Variants in RCOR3 observed in about 807,000 individuals in gnomAD.
RCOR3 encodes the protein REST corepressor 3.
A neutral mutation model predicts 64.1 loss-of-function variants in RCOR3; 13 were observed. That is an observed-to-expected ratio of 0.20 (90% CI 0.13 to 0.32). The LOEUF (loss-of-function observed/expected upper bound fraction) is 0.32. RCOR3 is among the 10% of genes least tolerant of loss of function. The probability of loss-of-function intolerance (pLI) is 1.00; values close to 1 mark genes in which losing one functional copy is unlikely to be tolerated. For missense variants in RCOR3, 489 were observed against 701.2 expected (o/e 0.70, Z 3.42); for synonymous variants, 215 against 239.0 (o/e 0.90, Z 0.93).
rs749265994 is a variant in RCOR3, at chr1:211,278,189, T to C, written c.589T>C (p.Leu197=). 2 of 1,613,142 alleles carry C rather than the reference T, an allele frequency of 1.2e-6. No individual in the cohort carries two copies. The highest frequency in any genetic ancestry group is 2.2e-5 in the East Asian group (1 of 44,816). The part of the protein sequence containing the change: ...SWKKTRSRTS[L]MDRQARKLAN... ...GAAAAAAACTCGCTCTAGGACAAGT[T>C]TGATGGATCGCCAGGCTCGTAAACT... Residue 197 remains leucine, a synonymous_variant, in exon 6 of 12, where the codon TTG becomes CTG. Coordinates refer to ENST00000419091, the MANE Select transcript of RCOR3 (RefSeq NM_001136223.3).
At chr1:211,270,857 C>CTTTTT (rs1420971089) in intron 2 of RCOR3, among the ~76,000 whole-genome samples, 1 of 142,048 alleles carries the variant, frequency 7.0e-6, no homozygotes, top group African/African-American at 2.6e-5. Flanking sequence ...ATAAAGCTTA[C>CTTTTT]TTTTTTTTTT....
chr1:211,262,032 A>ATTT (rs1558035836), intron 2 of RCOR3, among the ~76,000 whole-genome samples: 1 of 37,988 alleles, frequency 2.6e-5, no homozygotes, highest in Non-Finnish European at 5.2e-5. Context: ...AGCTATAAAA[A>ATTT]CTTTTTTTTT....
Position 211,312,972 on chromosome 1 carries a change from G to A in RCOR3, c.1317+11G>A, listed in dbSNP as rs1470525474. The A allele has an allele frequency of 3.1e-6, 5 of 1,614,124 alleles. No individual in the cohort carries two copies. The highest frequency in any genetic ancestry group is 2.2e-5 in the East Asian group (1 of 44,870). On this transcript the variant is annotated intron_variant, in intron 11 of 11. Transcript: ENST00000419091. This position sits in a 1 kb window ranked among gnomAD's most constrained non-coding sequence, Gnocchi z 5.0. The stretch of plus-strand genomic sequence containing the variant: ...GATGAAGAAGAGGAGGTGTGTTTGT[G>A]TATGGAATTTGAGCTAATATGAGTT...
intron 2 of RCOR3, among the ~76,000 whole-genome samples, chr1:211,270,798 A>G (rs1004818542): frequency 9.3e-6 from 1 of 107,014 alleles, no homozygotes; most frequent in Non-Finnish European, 1.9e-5. Flanking sequence ...GTTTTCCTAT[A>G]TTTTCTTTAC....
intron 4 of RCOR3, among the ~76,000 whole-genome samples, chr1:211,276,009 A>C (rs919244033): frequency 2.6e-5 from 4 of 152,076 alleles, no homozygotes; most frequent in African/African-American, 7.2e-5. Flanking sequence ...TCCTCAGCTC[A>C]CTGTTTTTCC....
rs932305407 is a variant in RCOR3, at chr1:211,304,516, TTTCTC to T, written c.1075+378_1075+382del. Among the ~76,000 whole-genome samples, 158 of 152,344 alleles carry T rather than the reference TTTCTC, an allele frequency of 1.0e-3. 1 individual carries two copies. Among genetic ancestry groups the T allele is most frequent in the African/African-American group, 3.4e-3 (142 of 41,582 alleles). ...ATCAATAAACTATAGATGTTTCTGATTTCTCTACTCTGCAAAATAGTGTTTATCTG... is the reference window on the plus strand; with the variant it reads ...ATCAATAAACTATAGATGTTTCTGATTACTCTGCAAAATAGTGTTTATCTG... On this transcript the variant is annotated intron_variant, in intron 10 of 11. Coordinates refer to ENST00000419091, the MANE Select transcript of RCOR3 (RefSeq NM_001136223.3).
intron 6 of RCOR3, 148 bp downstream of exon 6, chr1:211,278,389 G>T: frequency 3.4e-6 from 3 of 885,326 alleles, no homozygotes; most frequent in South Asian, 1.8e-5. Context: ...AGAGCCAAGT[G>T]GTTAGAAGTT....
chr1:211,280,829 C>T (rs1697688344), intron 7 of RCOR3, among the ~76,000 whole-genome samples: 1 of 152,006 alleles, frequency 6.6e-6, no homozygotes, highest in Non-Finnish European at 1.5e-5. Context: ...ACTAAAAATA[C>T]AAAATTAGCC....
intron 10 of RCOR3, among the ~76,000 whole-genome samples, chr1:211,306,718 A>G (rs1700885541): frequency 6.6e-6 from 1 of 152,064 alleles, no homozygotes; most frequent in Non-Finnish European, 1.5e-5. Context: ...TGTTCCATCT[A>G]CTCATATTGT....
At chr1:211,260,030 T>A in intron 1 of RCOR3, 78 bp from the exon 2 acceptor site, 1 of 1,470,224 alleles carries the variant, frequency 6.8e-7, no homozygotes, top group South Asian at 1.4e-5. Context: ...GCGATTTTTA[T>A]TTTTTAAGTG....
chr1:211,279,187 TAAA>T (rs10708960), intron 6 of RCOR3, 48 bp from the exon 7 acceptor site: 15,639 of 910,756 alleles, frequency 0.017, no homozygotes, highest in South Asian at 0.025. Flanking sequence ...AACGCTGTCT[TAAA>T]AAAAAAAAAA....
Position 211,267,265 on chromosome 1 carries a change from A to G in RCOR3, c.224-3967A>G, listed in dbSNP as rs574470890. ...CAAGGTGACACAGCTACCAAGTAGC[A>G]GAGCTGGTATTCAGACTCTGGGAGT... On this transcript the variant is annotated intron_variant, in intron 2 of 11. Coordinates refer to ENST00000419091, the MANE Select transcript of RCOR3 (RefSeq NM_001136223.3). Among the ~76,000 whole-genome samples the G allele has an allele frequency of 1.4e-4, 22 of 152,354 alleles. No homozygotes were observed. In the South Asian group the frequency reaches 4.3e-3, roughly 30 times the overall value.
Position 211,259,726 on chromosome 1 carries a change from G to A in RCOR3, c.166G>A (p.Asp56Asn), listed in dbSNP as rs1281996355. The change falls in exon 1 of 12, where the codon GAT (aspartate) becomes AAT (asparagine). Residue 56 changes from aspartate to asparagine, a missense_variant and splice_region_variant. Asp to Asn is a conservative substitution (Grantham distance 23, BLOSUM62 1). Transcript: ENST00000419091. ...ESGCSSDDEHDVGMRVGAEYQ... is the reference protein window; with the variant it reads ...ESGCSSDDEHNVGMRVGAEYQ... ...CGGCTGCAGCAGCGACGACGAGCAC[G>A]GTGGTAGCCTCGAACTCCTCCCCGC... 2.3e-5 allele frequency: 35 copies of A among 1,500,554 alleles called. No individual in the cohort carries two copies. The highest frequency in any genetic ancestry group is 3.0e-5 in the Non-Finnish European group (34 of 1,124,424). 93.0% of individuals were successfully genotyped at this position (1,500,554 alleles called of 1,614,324 possible). A position where few individuals can be genotyped will look rare whatever the true frequency, so the allele number is the denominator to read the frequency against.
chr1:211,299,598 A>G (rs997248555), intron 9 of RCOR3, among the ~76,000 whole-genome samples: 1 of 152,110 alleles, frequency 6.6e-6, no homozygotes, highest in Non-Finnish European at 1.5e-5. Flanking sequence ...GTATGAATCT[A>G]CCACTCACGA....
chr1:211,280,113 A>G (rs1227563216), intron 7 of RCOR3, among the ~76,000 whole-genome samples: 1 of 152,220 alleles, frequency 6.6e-6, no homozygotes, highest in East Asian at 1.9e-4. Context: ...TATAGTACCC[A>G]GGACATAGAA....
At chr1:211,300,290 A>C (rs1700247743) in intron 9 of RCOR3, among the ~76,000 whole-genome samples, 1 of 151,690 alleles carries the variant, frequency 6.6e-6, no homozygotes, top group Non-Finnish European at 1.5e-5. Flanking sequence ...GGCTGGTCTC[A>C]AACTCCTGGG....
At chr1:211,285,481 C>A (rs1458354230) in intron 7 of RCOR3, among the ~76,000 whole-genome samples, 1 of 152,162 alleles carries the variant, frequency 6.6e-6, no homozygotes, top group East Asian at 1.9e-4. Context: ...TCTGGCCTAG[C>A]CTTGAAAGTT....
chr1:211,286,761 T>C (rs1243033030), intron 7 of RCOR3, among the ~76,000 whole-genome samples: 1 of 152,236 alleles, frequency 6.6e-6, no homozygotes, highest in African/African-American at 2.4e-5. Context: ...CTGATTTATA[T>C]ACTAGTTTTG....
chr1:211,271,086 T>C (rs1030973720), intron 2 of RCOR3, 146 bp from the exon 3 acceptor site: 13 of 551,188 alleles, frequency 2.4e-5, no homozygotes, highest in African/African-American at 9.6e-5. Context: ...CTCGATCTCC[T>C]GACCTTGTGA....
Sources: gnomAD v4.1 joint callset for allele counts (sites outside exome capture counted in the v4.1 genomes callset) on GRCh38, gnomAD v4.1.1 for gene constraint, Gnocchi (gnomAD v3.1) non-coding constraint, MANE v1.5 for transcripts, NCBI Gene and HGNC (gene_info 2026-07-23, HGNC 2026-07-21) for gene names.